Variants in IQCH observed in about 807,000 individuals in gnomAD.
The protein encoded by IQCH is IQ motif containing H, also known as IQ domain-containing protein H.
Under a neutral mutation model 117.0 loss-of-function variants are expected in IQCH, and 98 were observed. The observed-to-expected ratio is 0.84, with a 90% CI of 0.71 to 0.99. IQCH has a LOEUF of 0.99. Ranked by LOEUF, IQCH falls within the 50% of genes least tolerant of loss-of-function variation. The probability of loss-of-function intolerance (pLI) is 0.00; values close to 1 mark genes in which losing one functional copy is unlikely to be tolerated. For missense variants in IQCH, 1,102 were observed against 1,243.8 expected (o/e 0.89, Z 1.72); for synonymous variants, 412 against 448.2 (o/e 0.92, Z 1.02).
intron 4 of IQCH, among the ~76,000 whole-genome samples, chr15:67,311,998 G>A (rs766833491): frequency 4.4e-4 from 67 of 152,172 alleles, no homozygotes; most frequent in Non-Finnish European, 8.4e-4. Context: ...CCTGCTAACA[G>A]GACTAGGCCT....
At chr15:67,373,483 C>G (rs761638092) in intron 10 of IQCH, 50 bp downstream of exon 10, 4 of 1,173,464 alleles carry the variant, frequency 3.4e-6, no homozygotes, top group Non-Finnish European at 5.1e-6. Context: ...TTACCCACCA[C>G]ATTATGGCTC....
intron 4 of IQCH, among the ~76,000 whole-genome samples, chr15:67,332,248 T>G (rs2140642230): frequency 6.6e-6 from 1 of 152,190 alleles, no homozygotes; most frequent in East Asian, 1.9e-4. Flanking sequence ...CAAATATATT[T>G]TAGTTAAATA....
At position 67,465,603 on chromosome 15, in the gene IQCH, T is replaced by C. The variant is rs1445620967; in HGVS notation, c.2676+306T>C. On this transcript the variant is annotated intron_variant, in intron 17 of 20. Coordinates refer to ENST00000335894, the MANE Select transcript of IQCH (RefSeq NM_001031715.3). The surrounding 1 kb of genome is among the most constrained non-coding windows in gnomAD (Gnocchi z 5.9). ...TACAAGCTGTTTCACACAAAACCCA[T>C]ATTTTTCTAGCCCCACTCTCTTTTG... Among the ~76,000 whole-genome samples, 2 of 152,164 alleles carry C rather than the reference T, an allele frequency of 1.3e-5. No individual in the cohort carries two copies. Among genetic ancestry groups the C allele is most frequent in the East Asian group, 1.9e-4 (1 of 5,188 alleles).
At chr15:67,421,121 A>C in intron 15 of IQCH, 170 bp from the exon 16 acceptor site, 1 of 614,990 alleles carries the variant, frequency 1.6e-6, no homozygotes, top group Non-Finnish European at 2.9e-6. Context: ...GATGCACAAC[A>C]ATCTAATGAG....
intron 20 of IQCH, among the ~76,000 whole-genome samples, chr15:67,497,024 C>CAAAAAAAAAA (rs753821092): frequency 1.1e-4 from 4 of 35,822 alleles, no homozygotes; most frequent in African/African-American, 2.0e-4. Flanking sequence ...GACTCCGTCT[C>CAAAAAAAAAA]AAAAAAAAAA....
rs180840442 is a variant in IQCH, at chr15:67,262,744, G to A, written c.175-378G>A. Among the ~76,000 whole-genome samples the A allele has an allele frequency of 6.6e-5, 10 of 152,242 alleles. 1 individual carries two copies. Among genetic ancestry groups the A allele is most frequent in the Admixed American group, 5.2e-4 (8 of 15,282 alleles). On this transcript the variant is annotated intron_variant, in intron 2 of 20. Coordinates refer to ENST00000335894, the MANE Select transcript of IQCH (RefSeq NM_001031715.3). ...TACAAAAAATAAAAAAATTAGCCAG[G>A]TGTGGTGGCATGTGCCTGTGGTCCC...
intron 8 of IQCH, among the ~76,000 whole-genome samples, chr15:67,362,577 A>AT (rs1424064538): frequency 1.3e-5 from 2 of 152,238 alleles, no homozygotes; most frequent in African/African-American, 2.4e-5. Flanking sequence ...GACATTAAAC[A>AT]TATCACTGCC....
chr15:67,306,853 G>A (rs933439019), intron 4 of IQCH: 1 of 1,533,702 alleles, frequency 6.5e-7, no homozygotes, highest in Non-Finnish European at 8.7e-7. Flanking sequence ...GTGGAAACAA[G>A]AAGAAATCCC....
rs187334617 is a variant in IQCH at position 67,330,126 on chromosome 15, C to T, written c.388-6849C>T. Among the ~76,000 whole-genome samples the T allele has an allele frequency of 6.2e-4, 94 of 152,168 alleles. 1 individual carries two copies. The Middle Eastern group carries it at 0.02, about 33-fold the overall frequency. On this transcript the variant is annotated intron_variant, in intron 4 of 20. Coordinates refer to ENST00000335894, the MANE Select transcript of IQCH (RefSeq NM_001031715.3). ...TTTCAGTCAGTAGAGTCAGTAGGTT[C>T]CTATACCACTGGCCAGAACCTTGTC...
intron 4 of IQCH, among the ~76,000 whole-genome samples, chr15:67,317,501 G>GCCAGCCCTCTTTTTGT (rs1967905066): frequency 6.6e-6 from 1 of 152,148 alleles, no homozygotes; most frequent in African/African-American, 2.4e-5. Context: ...ATCACACCTG[G>GCCAGCCCTCTTTTTGT]CCAGCCCTCT....
intron 3 of IQCH, among the ~76,000 whole-genome samples, chr15:67,277,611 G>T (rs955632531): frequency 1.3e-5 from 2 of 149,544 alleles, no homozygotes; most frequent in African/African-American, 2.5e-5. Flanking sequence ...TCGGCTCACT[G>T]CAAGCTCCGC....
chr15:67,321,705 G>A (rs1432081498), intron 4 of IQCH, among the ~76,000 whole-genome samples: 1 of 151,850 alleles, frequency 6.6e-6, no homozygotes, highest in Non-Finnish European at 1.5e-5. Flanking sequence ...GCTTTTATCA[G>A]AAGCCAAATG....
intron 4 of IQCH, chr15:67,282,361 A>G (rs1966394261): frequency 6.6e-6 from 1 of 151,932 alleles, no homozygotes; most frequent in South Asian, 2.1e-4. Context: ...TGGGAAAAAA[A>G]AAAACAACTA....
At position 67,421,326 on chromosome 15, in the gene IQCH, G is replaced by A; in HGVS notation, c.2254G>A (p.Val752Ile). 1 of 1,614,148 alleles carries A rather than the reference G, an allele frequency of 6.2e-7. No homozygotes were observed. Among genetic ancestry groups the A allele is most frequent in the Non-Finnish European group, 8.5e-7 (1 of 1,180,020 alleles). Residue 752 changes from valine (V) to isoleucine (I), a missense_variant, in exon 16 of 21, where the codon GTC becomes ATC. Val to Ile is a conservative substitution (Grantham distance 29). Around this residue, in one of 2 missense-constraint regions of IQCH, gnomAD observed 650 missense variants for 794.3 expected, o/e 0.82. Transcript: ENST00000335894. ...CGAAGCATTCCCACCTGCAGACAAT[G>A]TCACCAACCTCACAGTGGACATGCT... is the stretch of plus-strand genomic sequence containing the variant. Reference protein sequence around the residue: ...VIEAFPPADNVTNLTVDMLIE... With the variant: ...VIEAFPPADNITNLTVDMLIE...
At position 67,481,738 on chromosome 15, in the gene IQCH, G is replaced by T. The variant is rs1316698016; in HGVS notation, c.2799+5920G>T. Among the ~76,000 whole-genome samples, 2 of 152,240 alleles carry T rather than the reference G, an allele frequency of 1.3e-5. No homozygotes were observed. Among genetic ancestry groups the T allele is most frequent in the Admixed American group, 1.3e-4 (2 of 15,290 alleles). On this transcript the variant is annotated intron_variant, in intron 18 of 20. Coordinates refer to ENST00000335894, the MANE Select transcript of IQCH (RefSeq NM_001031715.3). This position sits in a 1 kb window ranked among gnomAD's most constrained non-coding sequence, Gnocchi z 4.1. ...ATATAGAAAATTTAAGAAGTATCTA[G>T]AAAAGAACTCCATGTTGTAGCTATT...
intron 13 of IQCH, among the ~76,000 whole-genome samples, chr15:67,399,274 G>A (rs1330664233): frequency 4.6e-5 from 7 of 152,164 alleles, no homozygotes; most frequent in Non-Finnish European, 7.3e-5. Context: ...AAGAAAACTA[G>A]TAATTGTGTC....
intron 16 of IQCH, among the ~76,000 whole-genome samples, chr15:67,446,396 A>G (rs1402166348): frequency 1.3e-5 from 2 of 152,208 alleles, no homozygotes; most frequent in Admixed American, 6.5e-5. Context: ...GAAATAGTGC[A>G]TTGAATTTTA....
chr15:67,439,095 C>A (rs989114775), intron 16 of IQCH, among the ~76,000 whole-genome samples: 7 of 152,146 alleles, frequency 4.6e-5, no homozygotes, highest in African/African-American at 7.2e-5. Context: ...CCAACAACTG[C>A]AGAATACACA....
At chr15:67,306,066 T>A (rs1442788955) in intron 4 of IQCH, among the ~76,000 whole-genome samples, 2 of 152,116 alleles carry the variant, frequency 1.3e-5, no homozygotes, top group Admixed American at 6.6e-5. Context: ...ATACATTGTG[T>A]ATATTTTTTT....
Sources: gnomAD v4.1 joint callset for allele counts (sites outside exome capture counted in the v4.1 genomes callset) on GRCh38, gnomAD v4.1.1 for gene constraint, gnomAD v4.1.1 regional missense constraint, Gnocchi (gnomAD v3.1) non-coding constraint, MANE v1.5 for transcripts, NCBI Gene and HGNC (gene_info 2026-07-23, HGNC 2026-07-21) for gene names.